RCBTB1: variants seen among roughly 807,000 people sequenced by gnomAD.
RCBTB1 encodes the protein RCC1 and BTB domain-containing protein 1.
Under a neutral mutation model 62.4 loss-of-function variants are expected in RCBTB1, and 46 were observed. The ratio of observed to expected loss-of-function variants is 0.74; its 90% CI spans 0.58 to 0.94. The LOEUF is 0.94. Ranked by LOEUF, RCBTB1 falls within the 40% of genes least tolerant of loss-of-function variation. The probability of loss-of-function intolerance (pLI) is 0.00; values close to 1 mark genes in which losing one functional copy is unlikely to be tolerated. For synonymous variants in RCBTB1, 222 were observed against 245.8 expected, an observed-to-expected ratio of 0.90 and a Z score of 0.91; for missense variants, 565 against 654.9, an observed-to-expected ratio of 0.86 and a Z score of 1.50.
At chr13:49,551,598 A>C (rs1399497865) in intron 7 of RCBTB1, 130 bp from the exon 8 acceptor site, 2 of 1,072,282 alleles carry the variant, frequency 1.9e-6, no homozygotes, top group African/African-American at 3.2e-5. Context: ...CATTTGCTGG[A>C]ACATTAAAAA....
At chr13:49,554,829 C>T (rs148610712) in intron 6 of RCBTB1, among the ~76,000 whole-genome samples, 259 of 152,274 alleles carry the variant, frequency 1.7e-3, no homozygotes, top group Non-Finnish European at 3.2e-3. Context: ...GTCCCTGGTG[C>T]CAAAAAGGTT....
rs1039314244 is a variant in RCBTB1 at position 49,568,336 on chromosome 13, T to C, written c.-41-1016A>G. On this transcript the variant is annotated intron_variant, in intron 2 of 12. Coordinates refer to ENST00000378302, the MANE Select transcript of RCBTB1 (RefSeq NM_018191.4). ...CAATTCCAGTCTTTTGCTAGAACAA[T>C]AGTGCAATTGTTGCCTGCACATTAT... Among the ~76,000 whole-genome samples, 37 of 152,234 alleles carry C rather than the reference T, an allele frequency of 2.4e-4. 1 individual carries two copies. Among genetic ancestry groups the C allele is most frequent in the African/African-American group, 8.0e-4 (33 of 41,462 alleles).
Position 49,559,985 on chromosome 13 carries a change from A to G in RCBTB1, c.377T>C (p.Leu126Ser), listed in dbSNP as rs763452239. ...AGCTACTTCCACCACTTGCTTGATC[A>G]AGAGATTGGTACAGACCTGGACGGG... ...IAPVQVCTNL[L>S]IKQVVEVACG... The change falls in exon 5 of 13, where the codon TTG (leucine) becomes TCG (serine). Residue 126 changes from leucine (L) to serine (S), a missense_variant. Leu to Ser is a moderately radical substitution (Grantham distance 145, BLOSUM62 -2). Coordinates refer to ENST00000378302, the MANE Select transcript of RCBTB1 (RefSeq NM_018191.4). 1.2e-6 allele frequency: 2 copies of G among 1,614,214 alleles called. No individual in the cohort carries two copies. Among genetic ancestry groups the G allele is most frequent in the Non-Finnish European group, 1.7e-6 (2 of 1,180,016 alleles).
chr13:49,547,865 T>C (rs1302574293), intron 9 of RCBTB1, among the ~76,000 whole-genome samples: 1 of 152,174 alleles, frequency 6.6e-6, no homozygotes, highest in Admixed American at 6.5e-5. Flanking sequence ...CACAGTTCAC[T>C]GCAGCCTTGA....
In RCBTB1 at chr13:49,555,327, G is replaced by C. The variant is rs1034558075; in HGVS notation, c.603+188C>G. Among the ~76,000 whole-genome samples, 100 of 152,144 alleles carry C rather than the reference G, an allele frequency of 6.6e-4. 1 individual carries two copies. Among genetic ancestry groups the C allele is most frequent in the Non-Finnish European group, 2.4e-4 (16 of 68,016 alleles). ...AATCTTTACTTTCAGGTAAATCCTG[G>C]AATTTAGAAAAGTCATACTGAGGAG... On this transcript the variant is annotated intron_variant, in intron 6 of 12. Coordinates refer to ENST00000378302, the MANE Select transcript of RCBTB1 (RefSeq NM_018191.4).
At position 49,549,475 on chromosome 13, in the gene RCBTB1, C is replaced by T. The variant is rs1961131363; in HGVS notation, c.1028G>A (p.Trp343Ter). 7.5e-6 allele frequency: 12 copies of T among 1,610,712 alleles called. No individual in the cohort carries two copies. The highest frequency in any genetic ancestry group is 9.3e-6 in the Non-Finnish European group (11 of 1,177,478). The change falls in exon 9 of 13, where the codon TGG becomes TAG. Residue 343 changes from tryptophan to a stop codon, truncating the protein, a stop_gained. Coordinates refer to ENST00000378302, the MANE Select transcript of RCBTB1 (RefSeq NM_018191.4). LOFTEE classifies it high-confidence loss of function. Reference protein sequence around the residue: ...FACFATPAVSWRLLSVEHEDF... With the variant: ...FACFATPAVS Reference sequence around the variant, plus strand: ...TTTCTTACCCACAGACAGGAGGCGCCACGAGACGGCGGGAGTGGCAAAGCA... The same window carrying T: ...TTTCTTACCCACAGACAGGAGGCGCTACGAGACGGCGGGAGTGGCAAAGCA...
chr13:49,557,224 G>A (rs568881114), intron 5 of RCBTB1, among the ~76,000 whole-genome samples: 23 of 152,208 alleles, frequency 1.5e-4, no homozygotes, highest in Non-Finnish European at 2.9e-4. Flanking sequence ...AGCAAAGCAA[G>A]ACTGGACAGA....
chr13:49,549,351 A>T, intron 9 of RCBTB1, 107 bp downstream of exon 9: 2 of 1,044,802 alleles, frequency 1.9e-6, no homozygotes, highest in Non-Finnish European at 2.7e-6. Context: ...GAAAGCTAAT[A>T]GAGAATAAAA....
At chr13:49,575,026 T>C (rs893757123) in intron 2 of RCBTB1, among the ~76,000 whole-genome samples, 1 of 152,260 alleles carries the variant, frequency 6.6e-6, no homozygotes, top group East Asian at 1.9e-4. Context: ...GTCAAATTCA[T>C]GGAGACAAAG....
intron 12 of RCBTB1, among the ~76,000 whole-genome samples, chr13:49,536,988 AAC>A (rs1431128124): frequency 6.6e-6 from 1 of 152,246 alleles, no homozygotes; most frequent in African/African-American, 2.4e-5. Context: ...AACAAAACAA[AAC>A]ACAGAGCATT....
In RCBTB1 at chr13:49,555,518, G is replaced by A. The variant is rs1330892414; in HGVS notation, c.600C>T (p.Gly200=). 2 of 1,612,882 alleles carry A rather than the reference G, an allele frequency of 1.2e-6. No individual in the cohort carries two copies. Among genetic ancestry groups the A allele is most frequent in the African/African-American group, 1.3e-5 (1 of 74,994 alleles). ...AATGGGAGTGGAGACACCTCACCTC[G>A]CCATTGTCCAGAACAGCCATGGATG... ...QTSSMAVLDN[G]EVYGWGYNGN... is the part of the protein sequence containing the mutation. The change falls in exon 6 of 13, where the codon GGC becomes GGT. Residue 200 remains glycine, a synonymous_variant. Transcript: ENST00000378302.
chr13:49,548,690 C>G (rs1328101443), intron 9 of RCBTB1, among the ~76,000 whole-genome samples: 1 of 151,588 alleles, frequency 6.6e-6, no homozygotes, highest in Non-Finnish European at 1.5e-5. Flanking sequence ...GTAAAAGAAG[C>G]CAGACACATG....
intron 6 of RCBTB1, among the ~76,000 whole-genome samples, chr13:49,554,771 A>G (rs1961704113): frequency 6.6e-6 from 1 of 152,186 alleles, no homozygotes; most frequent in Non-Finnish European, 1.5e-5. Context: ...TCCCAAAACC[A>G]TGCCCCCAAC....
At chr13:49,572,692 T>C (rs1963490186) in intron 2 of RCBTB1, among the ~76,000 whole-genome samples, 1 of 152,034 alleles carries the variant, frequency 6.6e-6, no homozygotes, top group South Asian at 2.1e-4. Context: ...TAATCTCAGC[T>C]ACTCAGGAGG....
intron 8 of RCBTB1, 181 bp downstream of exon 8, chr13:49,551,145 A>C (rs1023669039): frequency 4.1e-5 from 17 of 418,832 alleles, no homozygotes; most frequent in African/African-American, 8.9e-5. Flanking sequence ...AGAAGGGGGA[A>C]GGGGGAAGCA....
chr13:49,585,073 A>T (rs1032988896), intron 1 of RCBTB1, among the ~76,000 whole-genome samples: 1 of 152,200 alleles, frequency 6.6e-6, no homozygotes, highest in Non-Finnish European at 1.5e-5. Flanking sequence ...AGAGAATAGG[A>T]AGAGTCGGAG....
At chr13:49,547,522 GAAATA>G (rs1479003508) in intron 9 of RCBTB1, among the ~76,000 whole-genome samples, 16 of 152,036 alleles carry the variant, frequency 1.1e-4, no homozygotes, top group Non-Finnish European at 2.1e-4. Flanking sequence ...ACATAAACAA[GAAATA>G]AAATAAAAAG....
chr13:49,539,209 T>A (rs888325698), intron 12 of RCBTB1, among the ~76,000 whole-genome samples: 3 of 151,994 alleles, frequency 2.0e-5, no homozygotes, highest in Non-Finnish European at 4.4e-5. Context: ...GTATTTCAAA[T>A]GTTTTCACTC....
At chr13:49,553,909 A>ATT (rs2139194850) in intron 6 of RCBTB1, among the ~76,000 whole-genome samples, 1 of 152,360 alleles carries the variant, frequency 6.6e-6, no homozygotes, top group East Asian at 1.9e-4. Flanking sequence ...GTATAAGTGT[A>ATT]CAAAGATACA....
Sources: gnomAD v4.1 joint callset for allele counts (sites outside exome capture counted in the v4.1 genomes callset) on GRCh38, gnomAD v4.1.1 for gene constraint, MANE v1.5 for transcripts, NCBI Gene and HGNC (gene_info 2026-07-23, HGNC 2026-07-21) for gene names.